The following RANBP17 variants were observed in gnomAD, a reference collection of about 807,000 sequenced individuals.
RANBP17 encodes ran-binding protein 17.
A neutral mutation model predicts 141.2 loss-of-function variants in RANBP17; 158 were observed. The observed-to-expected ratio is 1.12, with a 90% CI of 0.98 to 1.28. RANBP17 has a LOEUF of 1.28. RANBP17 is among the 50% of genes most tolerant of loss of function. The pLI, the probability that RANBP17 is intolerant of heterozygous loss-of-function variation, is 0.00. For synonymous variants in RANBP17, 430 were observed against 450.0 expected (o/e 0.96, Z 0.56); for missense variants, 1,438 against 1,290.7 (o/e 1.11, Z -1.75).
intron 18 of RANBP17, among the ~76,000 whole-genome samples, chr5:171,194,580 T>G (rs1761852718): frequency 6.6e-6 from 1 of 152,252 alleles, no homozygotes; most frequent in Admixed American, 6.5e-5. Context: ...AGTTTGGATG[T>G]GCCATATTTT....
chr5:171,057,467 A>C (rs1288982251), intron 14 of RANBP17, among the ~76,000 whole-genome samples: 4 of 151,266 alleles, frequency 2.6e-5, no homozygotes, highest in Admixed American at 1.3e-4. Flanking sequence ...ATTCCATTTC[A>C]ATACATAGAG....
At chr5:170,914,321 T>C in intron 8 of RANBP17, 81 bp downstream of exon 8, 3 of 837,422 alleles carry the variant, frequency 3.6e-6, no homozygotes, top group Non-Finnish European at 5.7e-6. Flanking sequence ...AAAAATTCTG[T>C]TTATATATTC....
In RANBP17 at chr5:170,881,790, A is replaced by C. The variant is rs749969863; in HGVS notation, c.166-16A>C. 2.7e-6 allele frequency: 4 copies of C among 1,505,600 alleles called. No individual in the cohort carries two copies. In the East Asian group the frequency reaches 6.9e-5, roughly 26 times the overall value. The allele number at this position is 1,505,600 out of a possible 1,614,324, so 93.3% of individuals were successfully genotyped here. On this transcript the variant is annotated splice_polypyrimidine_tract_variant and intron_variant, in intron 2 of 27. Transcript: ENST00000523189. ...ATTTCATTTATGATAATAATAAATA[A>C]AATTATTCTTTACAGACATCCTATG...
chr5:170,930,064 CCAA>C (rs1417005455), intron 12 of RANBP17, among the ~76,000 whole-genome samples: 1 of 151,884 alleles, frequency 6.6e-6, no homozygotes, highest in African/African-American at 2.4e-5. Flanking sequence ...TCTGAGTGAC[CCAA>C]CTAGATTTTC....
intron 14 of RANBP17, among the ~76,000 whole-genome samples, chr5:171,160,530 T>A (rs1490214700): frequency 1.3e-5 from 2 of 152,226 alleles, no homozygotes; most frequent in African/African-American, 2.4e-5. Context: ...CTTTTTATAT[T>A]TGAGGAAACT....
intron 14 of RANBP17, among the ~76,000 whole-genome samples, chr5:171,162,714 T>G (rs1759436632): frequency 6.6e-6 from 1 of 152,016 alleles, no homozygotes; most frequent in East Asian, 1.9e-4. Flanking sequence ...GAAACCCCAC[T>G]GGGGTGCAAG....
rs1205971221 is a variant in RANBP17 at position 171,196,358 on chromosome 5, A to C, written c.2039-3312A>C. On this transcript the variant is annotated intron_variant, in intron 18 of 27. Transcript: ENST00000523189. ...CTCCTGCTATCCTTGTTTGCCTTAA[A>C]ATTTGAATGGAGAAAGAGACGGAAT... 2.0e-5 allele frequency among the ~76,000 whole-genome samples: 3 copies of C among 152,146 alleles called. No homozygotes were observed. In the East Asian group the frequency reaches 5.8e-4, roughly 29 times the overall value.
chr5:171,031,321 T>C (rs1176844377), intron 14 of RANBP17, among the ~76,000 whole-genome samples: 2 of 152,194 alleles, frequency 1.3e-5, no homozygotes, highest in African/African-American at 4.8e-5. Flanking sequence ...AGATTTGTTA[T>C]GAAAAATAAG....
At chr5:171,072,956 G>A (rs1169852494) in intron 14 of RANBP17, among the ~76,000 whole-genome samples, 2 of 151,942 alleles carry the variant, frequency 1.3e-5, no homozygotes, top group African/African-American at 4.8e-5. Context: ...AGCAAAGCTA[G>A]AACTAAAAGG....
At chr5:170,873,178 T>G (rs1767894341) in intron 1 of RANBP17, among the ~76,000 whole-genome samples, 1 of 152,234 alleles carries the variant, frequency 6.6e-6, no homozygotes, top group Non-Finnish European at 1.5e-5. Flanking sequence ...CTCTAAGGGC[T>G]GGGATTACAG....
At chr5:171,078,780 A>G (rs1354949959) in intron 14 of RANBP17, among the ~76,000 whole-genome samples, 1 of 152,230 alleles carries the variant, frequency 6.6e-6, no homozygotes, top group Non-Finnish European at 1.5e-5. Flanking sequence ...GTAAGAAAAA[A>G]AGATTAATTT....
intron 1 of RANBP17, among the ~76,000 whole-genome samples, chr5:170,876,675 G>A (rs1295672547): frequency 2.0e-5 from 3 of 151,986 alleles, no homozygotes; most frequent in Admixed American, 1.3e-4. Flanking sequence ...CTATAAAAGC[G>A]CTAAGAAGGA....
At chr5:171,153,558 A>G (rs1007321968) in intron 14 of RANBP17, among the ~76,000 whole-genome samples, 2 of 152,230 alleles carry the variant, frequency 1.3e-5, no homozygotes, top group Non-Finnish European at 2.9e-5. Context: ...AATACTGGGA[A>G]CATATTGGAA....
intron 19 of RANBP17, among the ~76,000 whole-genome samples, chr5:171,205,009 T>C (rs1466479275): frequency 6.6e-6 from 1 of 152,214 alleles, no homozygotes; most frequent in Non-Finnish European, 1.5e-5. Context: ...GTGACTGCCA[T>C]TCTGCGTATA....
At chr5:170,922,741 A>G (rs1051377700) in intron 11 of RANBP17, among the ~76,000 whole-genome samples, 1 of 152,104 alleles carries the variant, frequency 6.6e-6, no homozygotes, top group African/African-American at 2.4e-5. Context: ...TCCCTTGGCT[A>G]GGAAAGGGAA....
intron 14 of RANBP17, among the ~76,000 whole-genome samples, chr5:171,073,293 G>A (rs1030562548): frequency 3.9e-5 from 6 of 152,148 alleles, no homozygotes; most frequent in South Asian, 2.1e-4. Flanking sequence ...ACTGACCTAA[G>A]TAACTTTGGA....
intron 14 of RANBP17, among the ~76,000 whole-genome samples, chr5:170,988,188 C>G (rs182957909): frequency 6.6e-6 from 1 of 151,214 alleles, no homozygotes; most frequent in African/African-American, 2.4e-5. Flanking sequence ...TTATAAAATT[C>G]GGTATCTGTG....
At chr5:171,110,438 G>A (rs1002127566) in intron 14 of RANBP17, among the ~76,000 whole-genome samples, 5 of 152,178 alleles carry the variant, frequency 3.3e-5, no homozygotes, top group South Asian at 2.1e-4. Flanking sequence ...ACTGCTCACC[G>A]TTCACTAGCC....
At chr5:171,045,331 C>T (rs1301273489) in intron 14 of RANBP17, among the ~76,000 whole-genome samples, 1 of 151,982 alleles carries the variant, frequency 6.6e-6, no homozygotes, top group Non-Finnish European at 1.5e-5. Flanking sequence ...GAAGAATGAA[C>T]AGATTTCCTT....
Sources: allele counts gnomAD v4.1 joint callset (sites outside exome capture counted in the v4.1 genomes callset), GRCh38; gene constraint gnomAD v4.1.1; transcripts MANE v1.5; gene names NCBI Gene and HGNC (gene_info 2026-07-23, HGNC 2026-07-21).